The following MACROD2 variants were observed in gnomAD, a reference collection of about 807,000 sequenced individuals.
MACROD2 encodes mono-ADP ribosylhydrolase 2.
In MACROD2, 36 loss-of-function variants were observed where a neutral mutation model predicts 70.4. The observed-to-expected ratio is 0.51, with a 90% CI of 0.39 to 0.68. The LOEUF (loss-of-function observed/expected upper bound fraction) is 0.68. MACROD2 is among the 30% of genes least tolerant of loss of function. The pLI is 0.00. For synonymous variants in MACROD2, 172 were observed against 178.8 expected (o/e 0.96, Z 0.30); for missense variants, 496 against 538.4 (o/e 0.92, Z 0.78).
chr20:15,274,947 G>C (rs1038511021), intron 6 of MACROD2, among the ~76,000 whole-genome samples: 1 of 152,110 alleles, frequency 6.6e-6, no homozygotes, highest in Non-Finnish European at 1.5e-5. Flanking sequence ...CTATAGGAGT[G>C]GGGTGGCGAG....
At chr20:14,669,411 T>C (rs944385043) in intron 4 of MACROD2, among the ~76,000 whole-genome samples, 2 of 152,102 alleles carry the variant, frequency 1.3e-5, no homozygotes, top group Non-Finnish European at 2.9e-5. Context: ...GATTTCTTTT[T>C]TGCTCCTTAA....
At chr20:14,157,641 A>C (rs2055122135) in intron 3 of MACROD2, among the ~76,000 whole-genome samples, 1 of 152,126 alleles carries the variant, frequency 6.6e-6, no homozygotes, top group Non-Finnish European at 1.5e-5. Flanking sequence ...TCATGAGATA[A>C]ATTTTTTAGC....
intron 5 of MACROD2, among the ~76,000 whole-genome samples, chr20:14,691,491 G>T (rs994147876): frequency 6.6e-6 from 1 of 152,172 alleles, no homozygotes; most frequent in Non-Finnish European, 1.5e-5. Context: ...GGCCAGATCT[G>T]GGAAGTGAGT....
At chr20:15,342,836 A>G (rs2078125149) in intron 6 of MACROD2, among the ~76,000 whole-genome samples, 1 of 152,146 alleles carries the variant, frequency 6.6e-6, no homozygotes, top group South Asian at 2.1e-4. Flanking sequence ...AATATTCTCT[A>G]TCACACACCC....
At chr20:14,902,628 T>C (rs2073909410) in intron 5 of MACROD2, among the ~76,000 whole-genome samples, 1 of 152,008 alleles carries the variant, frequency 6.6e-6, no homozygotes, top group African/African-American at 2.4e-5. Flanking sequence ...AGAGCCAATG[T>C]CCAAGAAAAG....
At chr20:15,967,653 A>C in intron 13 of MACROD2, 23 bp downstream of exon 13, 1 of 1,234,652 alleles carries the variant, frequency 8.1e-7, no homozygotes, top group Non-Finnish European at 1.1e-6. Context: ...ATCCTTTATT[A>C]GATTTTCTTT....
intron 8 of MACROD2, among the ~76,000 whole-genome samples, chr20:15,760,315 C>T (rs969046632): frequency 2.6e-5 from 4 of 152,218 alleles, no homozygotes; most frequent in African/African-American, 9.6e-5. Context: ...AAAGGGAATG[C>T]CTCAAGAGAG....
At chr20:15,454,451 AC>A (rs2046692865) in intron 7 of MACROD2, among the ~76,000 whole-genome samples, 1 of 140,746 alleles carries the variant, frequency 7.1e-6, no homozygotes, top group Non-Finnish European at 1.5e-5. Flanking sequence ...ACACACACAC[AC>A]ACCCTTATTA....
At chr20:14,696,007 T>C (rs73262809) in intron 5 of MACROD2, among the ~76,000 whole-genome samples, 2,524 of 152,290 alleles carry the variant, frequency 0.017, 76 homozygotes, top group African/African-American at 0.057. Flanking sequence ...AATCACATTT[T>C]CTCAGTGCAG....
chr20:14,146,936 T>C (rs374057451), intron 3 of MACROD2, among the ~76,000 whole-genome samples: 6 of 152,198 alleles, frequency 3.9e-5, no homozygotes, highest in African/African-American at 1.4e-4. Context: ...CTTCTTGACA[T>C]AGGCCAGGGC....
At position 14,876,297 on chromosome 20, in the gene MACROD2, G is replaced by A. The variant is rs900860268; in HGVS notation, c.418+191338G>A. Among the ~76,000 whole-genome samples, 53 of 151,688 alleles carry A rather than the reference G, an allele frequency of 3.5e-4. 2 individuals are homozygous for A. The highest frequency in any genetic ancestry group is 2.2e-4 in the African/African-American group (9 of 41,324). On this transcript the variant is annotated intron_variant, in intron 5 of 17. Coordinates refer to ENST00000684519, the MANE Select transcript of MACROD2 (RefSeq NM_001351661.2). The stretch of plus-strand genomic sequence containing the variant: ...TTGAGAAATGTCTGTTCATGTCCTC[G>A]TTTCACTTTTTAATAGGGTTGTTTT...
intron 2 of MACROD2, among the ~76,000 whole-genome samples, chr20:14,045,080 C>T (rs1036695100): frequency 8.5e-5 from 13 of 152,334 alleles, no homozygotes; most frequent in African/African-American, 1.7e-4. Flanking sequence ...GCTCCGAGTG[C>T]GGGGCCCGAG....
At chr20:14,015,255 G>A (rs143100462) in intron 2 of MACROD2, among the ~76,000 whole-genome samples, 1 of 152,180 alleles carries the variant, frequency 6.6e-6, no homozygotes, top group Non-Finnish European at 1.5e-5. Flanking sequence ...ACAATCACCA[G>A]TATCCATTTT....
chr20:15,962,334 C>A (rs2066074979), intron 12 of MACROD2, among the ~76,000 whole-genome samples: 1 of 152,170 alleles, frequency 6.6e-6, no homozygotes, highest in African/African-American at 2.4e-5. Flanking sequence ...GATTATCCAG[C>A]TCAACAGCTG....
At chr20:15,658,577 C>A (rs1203497111) in intron 8 of MACROD2, among the ~76,000 whole-genome samples, 1 of 152,134 alleles carries the variant, frequency 6.6e-6, no homozygotes, top group East Asian at 1.9e-4. Context: ...GCATGGATGA[C>A]CCATAGACAG....
chr20:14,653,358 A>G lies in MACROD2; in HGVS notation c.302-31485A>G, dbSNP rs1196015568. Reference sequence around the variant, plus strand: ...GTCAGCGTCCTGAGTAGCTGGGACTACAGGCGCCCGCCACCAAGCCCGGCT... The same window carrying G: ...GTCAGCGTCCTGAGTAGCTGGGACTGCAGGCGCCCGCCACCAAGCCCGGCT... On this transcript the variant is annotated intron_variant, in intron 4 of 17. Coordinates refer to ENST00000684519, the MANE Select transcript of MACROD2 (RefSeq NM_001351661.2). Among the ~76,000 whole-genome samples the G allele has an allele frequency of 2.6e-5, 4 of 151,558 alleles. No individual in the cohort carries two copies. The East Asian group carries it at 5.9e-4, about 22-fold the overall frequency.
intron 3 of MACROD2, among the ~76,000 whole-genome samples, chr20:14,421,439 T>G (rs1227299905): frequency 2.0e-5 from 3 of 152,202 alleles, no homozygotes; most frequent in Non-Finnish European, 4.4e-5. Flanking sequence ...ATTTTTCAAT[T>G]TTAGCAGATA....
intron 5 of MACROD2, chr20:14,757,436 A>G (rs2071955654): frequency 2.4e-6 from 1 of 421,270 alleles, no homozygotes; most frequent in Non-Finnish European, 4.3e-6. Flanking sequence ...GTTTCAAAAG[A>G]TTAAAAAGTA....
At chr20:15,724,883 C>A (rs1332945692) in intron 8 of MACROD2, among the ~76,000 whole-genome samples, 1 of 152,006 alleles carries the variant, frequency 6.6e-6, no homozygotes, top group Non-Finnish European at 1.5e-5. Context: ...GAGATTGAGA[C>A]CATCCTGGCT....
Sources: gnomAD v4.1 joint callset for allele counts (sites outside exome capture counted in the v4.1 genomes callset) on GRCh38, gnomAD v4.1.1 for gene constraint, MANE v1.5 for transcripts, NCBI Gene and HGNC (gene_info 2026-07-23, HGNC 2026-07-21) for gene names.